SGCZ: variants seen among roughly 807,000 people sequenced by gnomAD.
The protein encoded by SGCZ is zeta-sarcoglycan.
In SGCZ, 40 loss-of-function variants were observed where a neutral mutation model predicts 41.3. The ratio of observed to expected loss-of-function variants is 0.97; its 90% CI spans 0.75 to 1.26. SGCZ has a LOEUF of 1.26. Among genes scored for constraint, SGCZ ranks in the 50% most tolerant of loss-of-function variants. The probability of loss-of-function intolerance (pLI) is 0.00; values close to 1 mark genes in which losing one functional copy is unlikely to be tolerated. For synonymous variants in SGCZ, 206 were observed against 137.5 expected, an observed-to-expected ratio of 1.50 and a Z score of -3.49; for missense variants, 552 against 369.8, an observed-to-expected ratio of 1.49 and a Z score of -4.04.
intron 1 of SGCZ, among the ~76,000 whole-genome samples, chr8:14,836,412 T>C (rs1216472720): frequency 1.3e-5 from 2 of 152,222 alleles, no homozygotes; most frequent in African/African-American, 2.4e-5. Context: ...GGTGTTATGT[T>C]ACATTTTATT....
intron 1 of SGCZ, among the ~76,000 whole-genome samples, chr8:14,614,367 C>T (rs1806026036): frequency 6.6e-6 from 1 of 152,106 alleles, no homozygotes; most frequent in Non-Finnish European, 1.5e-5. Flanking sequence ...ATTTACACAT[C>T]TCACCCTCCC....
At chr8:14,692,544 T>G (rs1002807259) in intron 1 of SGCZ, among the ~76,000 whole-genome samples, 2 of 152,222 alleles carry the variant, frequency 1.3e-5, no homozygotes, top group African/African-American at 4.8e-5. Flanking sequence ...ACACATTCAG[T>G]GTATTGTCCA....
At chr8:14,918,325 A>G (rs1397081290) in intron 1 of SGCZ, among the ~76,000 whole-genome samples, 1 of 152,092 alleles carries the variant, frequency 6.6e-6, no homozygotes, top group East Asian at 1.9e-4. Flanking sequence ...TCTAAGTGGT[A>G]TGAATTTAAG....
intron 1 of SGCZ, among the ~76,000 whole-genome samples, chr8:14,748,352 G>C (rs1164511390): frequency 6.6e-6 from 1 of 152,090 alleles, no homozygotes; most frequent in Non-Finnish European, 1.5e-5. Context: ...TTTACCTAGT[G>C]AGGCAATATG....
At chr8:14,275,647 C>A (rs534740656) in intron 3 of SGCZ, among the ~76,000 whole-genome samples, 1 of 152,160 alleles carries the variant, frequency 6.6e-6, no homozygotes, top group Non-Finnish European at 1.5e-5. Context: ...CACCAGCTTA[C>A]GGACACTGAT....
intron 1 of SGCZ, among the ~76,000 whole-genome samples, chr8:14,923,308 A>T (rs913704631): frequency 6.6e-6 from 1 of 152,098 alleles, no homozygotes; most frequent in Non-Finnish European, 1.5e-5. Context: ...TAAGATGGAA[A>T]TTTTTTCCAT....
At chr8:14,267,671 T>A (rs1005091098) in intron 3 of SGCZ, among the ~76,000 whole-genome samples, 1 of 152,056 alleles carries the variant, frequency 6.6e-6, no homozygotes, top group African/African-American at 2.4e-5. Context: ...TGAGCAGCAG[T>A]GGGATTGTGA....
Position 14,551,573 on chromosome 8 carries a change from TA to T in SGCZ, c.234+3158del, listed in dbSNP as rs1185164026. On this transcript the variant is annotated intron_variant, in intron 2 of 7. Transcript: ENST00000382080. ...TATAATATATATTATATATATAATA[TA>T]TATATAATATATATAATATATATTA... is the stretch of plus-strand genomic sequence containing the variant. Among the ~76,000 whole-genome samples, 26 of 24,668 alleles carry T rather than the reference TA, an allele frequency of 1.1e-3. 5 individuals carry two copies. The highest frequency in any genetic ancestry group is 5.9e-3 in the African/African-American group (25 of 4,204). The allele number at this position is 24,668 out of a possible 152,430, so 16.2% of individuals were successfully genotyped here. A position where few individuals can be genotyped will look rare whatever the true frequency, so the allele number is the denominator to read the frequency against.
intron 3 of SGCZ, among the ~76,000 whole-genome samples, chr8:14,308,301 G>C (rs1237062614): frequency 2.0e-5 from 3 of 152,048 alleles, no homozygotes; most frequent in Admixed American, 6.6e-5. Context: ...TAAGTGATAG[G>C]CCTTATTGTT....
At chr8:14,402,232 G>C (rs904437393) in intron 2 of SGCZ, among the ~76,000 whole-genome samples, 1 of 151,522 alleles carries the variant, frequency 6.6e-6, no homozygotes, top group Admixed American at 6.6e-5. Flanking sequence ...CTCCCATTTT[G>C]TAGGTTGCCT....
intron 1 of SGCZ, among the ~76,000 whole-genome samples, chr8:14,782,796 A>G (rs919749150): frequency 3.3e-5 from 5 of 152,216 alleles, no homozygotes; most frequent in Non-Finnish European, 7.4e-5. Context: ...TCAATTTAAT[A>G]TGATGCATTT....
At chr8:14,714,546 A>G (rs1277513714) in intron 1 of SGCZ, among the ~76,000 whole-genome samples, 1 of 152,220 alleles carries the variant, frequency 6.6e-6, no homozygotes, top group East Asian at 1.9e-4. Context: ...ACATTGTTCT[A>G]TTAAACCACT....
intron 5 of SGCZ, among the ~76,000 whole-genome samples, chr8:14,125,296 G>A (rs997424898): frequency 6.6e-6 from 1 of 152,046 alleles, no homozygotes; most frequent in Non-Finnish European, 1.5e-5. Context: ...AAGGTCAGGA[G>A]ATCAAGACCA....
At chr8:14,358,182 G>A (rs991451466) in intron 2 of SGCZ, among the ~76,000 whole-genome samples, 3 of 152,092 alleles carry the variant, frequency 2.0e-5, no homozygotes, top group Non-Finnish European at 4.4e-5. Context: ...CCTGCCGTGG[G>A]CTAAACATTC....
At chr8:14,234,723 C>T (rs890860181) in intron 4 of SGCZ, among the ~76,000 whole-genome samples, 2 of 152,018 alleles carry the variant, frequency 1.3e-5, no homozygotes, top group African/African-American at 2.4e-5. Context: ...TTTATGTATA[C>T]ACAATTAAAA....
chr8:14,350,811 T>C (rs1585395011), intron 2 of SGCZ, among the ~76,000 whole-genome samples: 1 of 152,278 alleles, frequency 6.6e-6, no homozygotes, highest in East Asian at 1.9e-4. Context: ...GTAATCGTAA[T>C]CTAAGGCAAG....
chr8:14,610,924 G>T (rs1805908012), intron 1 of SGCZ, among the ~76,000 whole-genome samples: 1 of 152,102 alleles, frequency 6.6e-6, no homozygotes. Flanking sequence ...TTTACCACAT[G>T]CTTCCAAACC....
chr8:14,733,660 CTTG>C, intron 1 of SGCZ, among the ~76,000 whole-genome samples: 1 of 152,218 alleles, frequency 6.6e-6, no homozygotes, highest in South Asian at 2.1e-4. Flanking sequence ...GTAATTACAA[CTTG>C]TTGTCAAATA....
chr8:14,421,937 G>A (rs73219758), intron 2 of SGCZ, among the ~76,000 whole-genome samples: 30,990 of 151,910 alleles, frequency 0.2, 3,715 homozygotes, highest in Non-Finnish European at 0.29. Flanking sequence ...GACTTTTTTG[G>A]CTTTTAACAA....
Sources: gnomAD v4.1 joint callset for allele counts (sites outside exome capture counted in the v4.1 genomes callset) on GRCh38, gnomAD v4.1.1 for gene constraint, MANE v1.5 for transcripts, NCBI Gene and HGNC (gene_info 2026-07-23, HGNC 2026-07-21) for gene names.